CNBD1: variants seen among roughly 807,000 people sequenced by gnomAD.
CNBD1 encodes cyclic nucleotide-binding domain-containing protein 1.
A neutral mutation model predicts 54.4 loss-of-function variants in CNBD1; 71 were observed. That is an observed-to-expected ratio of 1.30 (90% confidence interval 1.08 to 1.59). The LOEUF (loss-of-function observed/expected upper bound fraction) is 1.59. Among genes scored for constraint, CNBD1 ranks in the 40% most tolerant of loss-of-function variants. The pLI, the probability that CNBD1 is intolerant of heterozygous loss-of-function variation, is 0.00. For missense variants in CNBD1, 659 were observed against 518.0 expected, an observed-to-expected ratio of 1.27 and a Z score of -2.64; for synonymous variants, 182 against 170.7, an observed-to-expected ratio of 1.07 and a Z score of -0.51.
At chr8:87,353,540 G>T in intron 9 of CNBD1, 96 bp from the exon 10 acceptor site, 2 of 746,514 alleles carry the variant, frequency 2.7e-6, no homozygotes, top group South Asian at 2.1e-5. Flanking sequence ...ATATCATTTA[G>T]TAAAATGGTT....
chr8:86,887,327 C>T (rs1808694777), intron 1 of CNBD1, among the ~76,000 whole-genome samples: 1 of 152,058 alleles, frequency 6.6e-6, no homozygotes, highest in Non-Finnish European at 1.5e-5. Flanking sequence ...AAATGCCAGA[C>T]CAGATTTGAC....
chr8:87,041,117 G>T (rs572993411), intron 4 of CNBD1, among the ~76,000 whole-genome samples: 4 of 152,122 alleles, frequency 2.6e-5, no homozygotes, highest in East Asian at 1.9e-4. Flanking sequence ...TTTTAGTGAG[G>T]TTCCAAGCAA....
chr8:87,028,501 A>G (rs1213535953), intron 4 of CNBD1, among the ~76,000 whole-genome samples: 3 of 152,208 alleles, frequency 2.0e-5, no homozygotes, highest in Non-Finnish European at 4.4e-5. Context: ...CACTGAGACA[A>G]TAAGTATTGC....
At chr8:87,241,100 A>G (rs1994835) in intron 6 of CNBD1, among the ~76,000 whole-genome samples, 3,631 of 152,144 alleles carry the variant, frequency 0.024, 136 homozygotes, top group African/African-American at 0.076. Flanking sequence ...AATTGTCATG[A>G]AGCAGGTATC....
At chr8:86,972,302 G>GT (rs1035077866) in intron 4 of CNBD1, among the ~76,000 whole-genome samples, 2 of 152,100 alleles carry the variant, frequency 1.3e-5, no homozygotes, top group Admixed American at 6.6e-5. Context: ...ATAGTGAGCA[G>GT]TTTTTTAATG....
chr8:87,029,105 A>T (rs1204595363), intron 4 of CNBD1, among the ~76,000 whole-genome samples: 1 of 152,190 alleles, frequency 6.6e-6, no homozygotes, highest in South Asian at 2.1e-4. Context: ...TCTTCAATAG[A>T]AGGTGATTTG....
intron 4 of CNBD1, among the ~76,000 whole-genome samples, chr8:87,023,060 T>A (rs978705904): frequency 1.3e-5 from 2 of 151,550 alleles, no homozygotes; most frequent in Admixed American, 6.5e-5. Flanking sequence ...GTTCTCAGTG[T>A]CCAGCTCCTA....
chr8:87,386,625 A>G (rs891113585), downstream of CNBD1, among the ~76,000 whole-genome samples: 3 of 152,212 alleles, frequency 2.0e-5, no homozygotes, highest in Non-Finnish European at 2.9e-5. Flanking sequence ...ACAAATCTAC[A>G]TCTGATTGCT....
downstream of CNBD1, among the ~76,000 whole-genome samples, chr8:87,387,467 T>G (rs991288858): frequency 4.6e-5 from 7 of 152,156 alleles, no homozygotes; most frequent in South Asian, 4.2e-4. Flanking sequence ...TAGTCTCTGA[T>G]AAAACAGACT....
chr8:86,897,410 G>A (rs1169188854), intron 2 of CNBD1, among the ~76,000 whole-genome samples: 2 of 152,136 alleles, frequency 1.3e-5, no homozygotes, highest in Admixed American at 1.3e-4. Context: ...TAAGACGGGG[G>A]CCTTGAAAGA....
At chr8:87,012,660 G>A (rs967062226) in intron 4 of CNBD1, among the ~76,000 whole-genome samples, 3 of 152,078 alleles carry the variant, frequency 2.0e-5, no homozygotes, top group Non-Finnish European at 2.9e-5. Flanking sequence ...TGCTATCTAA[G>A]AGCTTCCTCT....
At chr8:87,327,672 G>T (rs182408830) in intron 8 of CNBD1, among the ~76,000 whole-genome samples, 1 of 152,182 alleles carries the variant, frequency 6.6e-6, no homozygotes. Context: ...CGTGCCCGGT[G>T]CGCACACCCA....
At chr8:87,399,578 T>C (rs1158731690) in intron 2 of CNBD1, among the ~76,000 whole-genome samples, 2 of 152,018 alleles carry the variant, frequency 1.3e-5, no homozygotes, top group African/African-American at 2.4e-5. Context: ...AAGCCCCTAA[T>C]GCCAAAAGTT....
chr8:87,105,804 C>T (rs1054787176), intron 4 of CNBD1, among the ~76,000 whole-genome samples: 3 of 151,804 alleles, frequency 2.0e-5, no homozygotes, highest in East Asian at 1.9e-4. Context: ...ATGCTCAGGC[C>T]CAGTTTGCTT....
chr8:87,074,929 T>A (rs1409320042), intron 4 of CNBD1, among the ~76,000 whole-genome samples: 4 of 152,220 alleles, frequency 2.6e-5, no homozygotes, highest in Non-Finnish European at 5.9e-5. Flanking sequence ...AATTTCAGTA[T>A]AATTTAGTGG....
intron 10 of CNBD1, among the ~76,000 whole-genome samples, chr8:87,373,879 T>C (rs1241528497): frequency 6.6e-6 from 1 of 151,502 alleles, no homozygotes; most frequent in East Asian, 1.9e-4. Flanking sequence ...CAAATGTAAT[T>C]TTATAAACTT....
At position 87,194,274 on chromosome 8, in the gene CNBD1, G is replaced by A. The variant is rs112279241; in HGVS notation, c.432-11719G>A. On this transcript the variant is annotated intron_variant, in intron 4 of 10. Coordinates refer to ENST00000518476, the MANE Select transcript of CNBD1 (RefSeq NM_173538.3). The stretch of plus-strand genomic sequence containing the variant: ...ACCAGGCAATAGAAATAACTGGTGC[G>A]ATAAATTGACACTTGAAAAGCAGGT... 5.5e-4 allele frequency among the ~76,000 whole-genome samples: 83 copies of A among 152,276 alleles called. 1 individual carries two copies. The highest frequency in any genetic ancestry group is 1.0e-3 in the African/African-American group (43 of 41,572).
chr8:87,136,176 T>A (rs1812223384), intron 4 of CNBD1, among the ~76,000 whole-genome samples: 1 of 152,000 alleles, frequency 6.6e-6, no homozygotes, highest in Non-Finnish European at 1.5e-5. Flanking sequence ...GAAGTATTCA[T>A]AAGGGAATAC....
intron 4 of CNBD1, among the ~76,000 whole-genome samples, chr8:87,105,299 T>C (rs547162646): frequency 6.6e-6 from 1 of 152,322 alleles, no homozygotes; most frequent in Non-Finnish European, 1.5e-5. Context: ...CAAATAGTCA[T>C]GTGAAACTTC....
Sources: gnomAD v4.1 joint callset for allele counts (sites outside exome capture counted in the v4.1 genomes callset) on GRCh38, gnomAD v4.1.1 for gene constraint, MANE v1.5 for transcripts, NCBI Gene and HGNC (gene_info 2026-07-23, HGNC 2026-07-21) for gene names.